Variants in TRAPPC12 observed in about 807,000 individuals in gnomAD.
TRAPPC12 encodes the protein trafficking protein particle complex subunit 12, also known as TPR repeat protein 15.
In TRAPPC12, 61 loss-of-function variants were observed where a neutral mutation model predicts 69.2. The ratio of observed to expected loss-of-function variants is 0.88; its 90% CI spans 0.72 to 1.09. TRAPPC12 has a LOEUF of 1.09. Among genes scored for constraint, TRAPPC12 ranks in the 50% least tolerant of loss-of-function variants. TRAPPC12 has a pLI of 0.00. For missense variants in TRAPPC12, 1,101 were observed against 1,016.4 expected (o/e 1.08, Z -1.13); for synonymous variants, 469 against 438.9 (o/e 1.07, Z -0.86).
intron 6 of TRAPPC12, among the ~76,000 whole-genome samples, chr2:3,450,437 A>G (rs537241020): frequency 6.6e-6 from 1 of 152,356 alleles, no homozygotes; most frequent in South Asian, 2.1e-4. Flanking sequence ...TCAGGCTGAC[A>G]GTCTGGAAAC....
At chr2:3,434,377 C>A (rs948472172) in intron 5 of TRAPPC12, among the ~76,000 whole-genome samples, 4 of 152,124 alleles carry the variant, frequency 2.6e-5, no homozygotes, top group African/African-American at 9.7e-5. Context: ...TGATTTAATT[C>A]CCTACATTTT....
chr2:3,419,737 G>C (rs1262939950), intron 3 of TRAPPC12, among the ~76,000 whole-genome samples: 1 of 152,102 alleles, frequency 6.6e-6, no homozygotes, highest in Non-Finnish European at 1.5e-5. Flanking sequence ...GTGCCGTGGA[G>C]GCCAGTACTC....
intron 2 of TRAPPC12, among the ~76,000 whole-genome samples, chr2:3,392,516 T>C (rs1049460094): frequency 2.6e-5 from 4 of 152,262 alleles, no homozygotes; most frequent in Non-Finnish European, 5.9e-5. Context: ...AGTTCTGGCC[T>C]CTTTGTCTTA....
chr2:3,380,660 G>A (rs979253239), intron 1 of TRAPPC12, among the ~76,000 whole-genome samples: 26 of 152,208 alleles, frequency 1.7e-4, no homozygotes, highest in Non-Finnish European at 7.3e-5. Context: ...TGGGGTGGGA[G>A]AGGGACAGGG....
intron 2 of TRAPPC12, among the ~76,000 whole-genome samples, chr2:3,401,161 C>G (rs756210714): frequency 6.6e-6 from 1 of 152,200 alleles, no homozygotes; most frequent in Admixed American, 6.5e-5. Context: ...GCGAGGCTAC[C>G]GAGGACCTGC....
intron 1 of TRAPPC12, among the ~76,000 whole-genome samples, chr2:3,385,581 G>C (rs940982148): frequency 3.3e-5 from 5 of 152,136 alleles, no homozygotes; most frequent in African/African-American, 1.2e-4. Context: ...CTTCACAATA[G>C]TAAGAATTGT....
chr2:3,392,112 G>T (rs889424778), intron 2 of TRAPPC12, among the ~76,000 whole-genome samples: 1 of 152,184 alleles, frequency 6.6e-6, no homozygotes, highest in Non-Finnish European at 1.5e-5. Flanking sequence ...GACATTTAGT[G>T]AGTAGGGCTA....
chr2:3,399,452 G>A (rs1477622704), intron 2 of TRAPPC12, among the ~76,000 whole-genome samples: 1 of 152,166 alleles, frequency 6.6e-6, no homozygotes, highest in Non-Finnish European at 1.5e-5. Context: ...TCTGGTATTT[G>A]AAGTACTTCA....
At chr2:3,450,458 G>T in intron 6 of TRAPPC12, among the ~76,000 whole-genome samples, 1 of 152,290 alleles carries the variant, frequency 6.6e-6, no homozygotes, top group African/African-American at 2.4e-5. Flanking sequence ...TTCCAGGTCC[G>T]CTCTGAAGTG....
At chr2:3,452,150 C>T (rs1213477132) in intron 6 of TRAPPC12, among the ~76,000 whole-genome samples, 1 of 152,112 alleles carries the variant, frequency 6.6e-6, no homozygotes, top group Non-Finnish European at 1.5e-5. Flanking sequence ...GAGAACTGGG[C>T]TCCGGGAGGC....
In TRAPPC12 at chr2:3,414,730, G is replaced by A. The variant is rs930846860; in HGVS notation, c.1165-7151G>A. Reference sequence around the variant, plus strand: ...CCCGCGAGGGACACCATTCCCCGTCGTTGACGTGCATTCCTCTTGTTCATC... The same window carrying A: ...CCCGCGAGGGACACCATTCCCCGTCATTGACGTGCATTCCTCTTGTTCATC... On this transcript the variant is annotated intron_variant, in intron 3 of 11. Coordinates refer to ENST00000324266, the MANE Select transcript of TRAPPC12 (RefSeq NM_016030.6). This position sits in a 1 kb window ranked among gnomAD's most constrained non-coding sequence, Gnocchi z 4.9. Among the ~76,000 whole-genome samples, 19 of 152,166 alleles carry A rather than the reference G, an allele frequency of 1.2e-4. No homozygotes were observed. Among genetic ancestry groups the A allele is most frequent in the African/African-American group, 3.1e-4 (13 of 41,516 alleles).
chr2:3,440,283 A>G (rs1334964604), intron 5 of TRAPPC12, among the ~76,000 whole-genome samples: 1 of 152,220 alleles, frequency 6.6e-6, no homozygotes, highest in Non-Finnish European at 1.5e-5. Flanking sequence ...CAAGTTGTAA[A>G]GAACTGATAT....
intron 2 of TRAPPC12, among the ~76,000 whole-genome samples, chr2:3,391,841 G>A (rs1572086802): frequency 6.6e-6 from 1 of 151,890 alleles, no homozygotes; most frequent in Non-Finnish European, 1.5e-5. Flanking sequence ...CTTCTCTCTC[G>A]GGGTCTTTGT....
At chr2:3,382,748 G>C (rs1660275139) in intron 1 of TRAPPC12, among the ~76,000 whole-genome samples, 3 of 152,104 alleles carry the variant, frequency 2.0e-5, no homozygotes, top group Non-Finnish European at 4.4e-5. Context: ...AACATATTGA[G>C]TCCCCATCTC....
At chr2:3,460,631 A>C in intron 8 of TRAPPC12, 2 of 359,946 alleles carry the variant, frequency 5.6e-6, no homozygotes, top group African/African-American at 2.1e-5. Context: ...TTTTCTCTGA[A>C]CTCCATCCCC....
At chr2:3,403,361 T>C (rs1393881677) in intron 3 of TRAPPC12, among the ~76,000 whole-genome samples, 1 of 151,278 alleles carries the variant, frequency 6.6e-6, no homozygotes, top group African/African-American at 2.4e-5. Flanking sequence ...GCTTCCCGAG[T>C]AGCTGGGATT....
intron 6 of TRAPPC12, among the ~76,000 whole-genome samples, chr2:3,450,618 C>CTT (rs1186199470): frequency 1.3e-5 from 2 of 152,210 alleles, no homozygotes; most frequent in Non-Finnish European, 2.9e-5. Context: ...TTTCATGATT[C>CTT]TTTGAGAGCT....
At chr2:3,411,616 T>G (rs987736426) in intron 3 of TRAPPC12, among the ~76,000 whole-genome samples, 1 of 152,254 alleles carries the variant, frequency 6.6e-6, no homozygotes. Flanking sequence ...AAAATTCATA[T>G]GCTTCTATCA....
At chr2:3,411,998 G>A (rs979415086) in intron 3 of TRAPPC12, among the ~76,000 whole-genome samples, 6 of 152,114 alleles carry the variant, frequency 3.9e-5, no homozygotes, top group Admixed American at 2.0e-4. Context: ...TGCTAGTGAA[G>A]ATCAACTCAC....
Sources: allele counts gnomAD v4.1 joint callset (sites outside exome capture counted in the v4.1 genomes callset), GRCh38; gene constraint gnomAD v4.1.1; non-coding constraint Gnocchi (gnomAD v3.1); transcripts MANE v1.5; gene names NCBI Gene and HGNC (gene_info 2026-07-23, HGNC 2026-07-21).